The following RNF43 variants were observed in gnomAD, a reference collection of about 807,000 sequenced individuals.
RNF43 encodes E3 ubiquitin-protein ligase RNF43.
Under a neutral mutation model 78.4 loss-of-function variants are expected in RNF43, and 37 were observed. That is an observed-to-expected ratio of 0.47 (90% CI 0.36 to 0.62). The LOEUF (loss-of-function observed/expected upper bound fraction) is 0.62, where lower values mean the gene tolerates loss of function less well. Among genes scored for constraint, RNF43 ranks in the 20% least tolerant of loss-of-function variants. RNF43 has a pLI of 0.00. For missense variants in RNF43, 774 were observed against 1,007.9 expected, an observed-to-expected ratio of 0.77 and a Z score of 3.14; for synonymous variants, 347 against 395.0, an observed-to-expected ratio of 0.88 and a Z score of 1.44.
At chr17:58,353,523 T>TA (rs1368177791), downstream of RNF43, 2 of 202,112 alleles carry the variant, frequency 9.9e-6, no homozygotes, top group African/African-American at 2.3e-5. Flanking sequence ...AACCAGTTCT[T>TA]ATTGCCAAGC....
chr17:58,371,155 G>T, intron 2 of RNF43, 122 bp from the exon 3 acceptor site: 1 of 994,714 alleles, frequency 1.0e-6, no homozygotes, highest in Middle Eastern at 2.5e-4. Flanking sequence ...CTGTAAAAGA[G>T]TAGGCCTTAT....
intron 2 of RNF43, among the ~76,000 whole-genome samples, chr17:58,372,745 G>A (rs1015770793): frequency 1.3e-5 from 2 of 152,236 alleles, no homozygotes; most frequent in African/African-American, 4.8e-5. Context: ...GGGAAGCAGA[G>A]CAGTTTTCAC....
downstream of RNF43, chr17:58,353,240 G>C (rs1351602473): frequency 5.5e-5 from 12 of 218,494 alleles, no homozygotes; most frequent in Non-Finnish European, 9.2e-5. Context: ...TCTGTGACAG[G>C]TTTGGATGTT....
chr17:58,398,605 A>C (rs1429594787), intron 2 of RNF43, among the ~76,000 whole-genome samples: 1 of 152,260 alleles, frequency 6.6e-6, no homozygotes, highest in Non-Finnish European at 1.5e-5. Flanking sequence ...ATCTAAAGAC[A>C]AAACACATTT....
chr17:58,374,588 T>C (rs1263238012), intron 2 of RNF43, among the ~76,000 whole-genome samples: 2 of 152,206 alleles, frequency 1.3e-5, no homozygotes, highest in East Asian at 3.9e-4. Context: ...AGATGGGGTT[T>C]CACTATGTTG....
chr17:58,376,301 TGAG>T (rs977782649), intron 2 of RNF43, among the ~76,000 whole-genome samples: 6 of 152,146 alleles, frequency 3.9e-5, no homozygotes, highest in Admixed American at 6.5e-5. Flanking sequence ...TGCTACTCTA[TGAG>T]GAGAAGTGCC....
intron 3 of RNF43, 91 bp downstream of exon 3, chr17:58,370,820 A>C: frequency 7.3e-7 from 1 of 1,361,624 alleles, no homozygotes; most frequent in Non-Finnish European, 9.7e-7. Flanking sequence ...CATCACTCTT[A>C]GGAAACATGG....
rs1162714205 is a variant in RNF43, at chr17:58,358,051, G to C, written c.1725C>G (p.Val575=). 6.3e-7 allele frequency: 1 copy of C among 1,590,626 alleles called. No homozygotes were observed. Among genetic ancestry groups the C allele is most frequent in the African/African-American group, 1.3e-5 (1 of 74,302 alleles). ...GAGGAATAGGAGGCCTGGACTGGGG[G>C]ACTCCGGTTTCTGGGCCAGGCTTCC... ...HGRKPGPETG[V]PQSRPPIPRT... Residue 575 remains valine (V), a synonymous_variant, in exon 9 of 10, where the codon GTC becomes GTG. Coordinates refer to ENST00000407977, the MANE Select transcript of RNF43 (RefSeq NM_017763.6). This position sits in a 1 kb window ranked among gnomAD's most constrained non-coding sequence, Gnocchi z 6.2.
At chr17:58,372,527 GTCCATGCA>G (rs1973121515) in intron 2 of RNF43, among the ~76,000 whole-genome samples, 1 of 152,214 alleles carries the variant, frequency 6.6e-6, no homozygotes, top group South Asian at 2.1e-4. Context: ...CTCTCTATCT[GTCCATGCA>G]TCCATTCATT....
chr17:58,358,947 G>A lies in RNF43; in HGVS notation c.953-124C>T. On this transcript the variant is annotated intron_variant, in intron 8 of 9. Coordinates refer to ENST00000407977, the MANE Select transcript of RNF43 (RefSeq NM_017763.6). This position sits in a 1 kb window ranked among gnomAD's most constrained non-coding sequence, Gnocchi z 6.2. ...TAGCCTGTGAGCTCAGAGTTTGGGG[G>A]ATCAAGGACGTGCCTAAGCTGCCTG... 1.9e-6 allele frequency: 2 copies of A among 1,048,702 alleles called. No individual in the cohort carries two copies. The highest frequency in any genetic ancestry group is 3.7e-5 in the South Asian group (2 of 54,356). The allele number at this position is 1,048,702 out of a possible 1,614,324, so 65.0% of individuals were successfully genotyped here.
chr17:58,396,988 A>C (rs1973695104), intron 2 of RNF43, among the ~76,000 whole-genome samples: 1 of 151,902 alleles, frequency 6.6e-6, no homozygotes, highest in African/African-American at 2.4e-5. Context: ...TGATGGAAAG[A>C]TTCAGGGCTT....
Position 58,360,757 on chromosome 17 carries a change from GAGGTGAAC to G in RNF43, c.849+18_849+25del, listed in dbSNP as rs773907595. 6.3e-7 allele frequency: 1 copy of G among 1,597,660 alleles called. No individual in the cohort carries two copies. Among genetic ancestry groups the G allele is most frequent in the South Asian group, 1.1e-5 (1 of 88,108 alleles). On this transcript the variant is annotated intron_variant, in intron 7 of 9. Coordinates refer to ENST00000407977, the MANE Select transcript of RNF43 (RefSeq NM_017763.6). The surrounding 1 kb of genome is among the most constrained non-coding windows in gnomAD (Gnocchi z 4.3). ...CTTCAATCTCCCCAGTCTGGTCATG[GAGGTGAAC>G]CACAAGACCTGCCTTACCTGCCCCT...
At chr17:58,410,217 A>T (rs747811128) in intron 2 of RNF43, among the ~76,000 whole-genome samples, 2 of 152,234 alleles carry the variant, frequency 1.3e-5, no homozygotes, top group African/African-American at 4.8e-5. Context: ...TATAAAAGAG[A>T]TATCTTCTTA....
At chr17:58,402,079 T>C (rs1291238587) in intron 2 of RNF43, among the ~76,000 whole-genome samples, 1 of 152,222 alleles carries the variant, frequency 6.6e-6, no homozygotes, top group Admixed American at 6.5e-5. Context: ...TTGTTTCTAG[T>C]GGCAAAGATA....
chr17:58,369,038 G>A (rs1004853014), intron 3 of RNF43, among the ~76,000 whole-genome samples: 2 of 151,576 alleles, frequency 1.3e-5, no homozygotes, highest in African/African-American at 4.9e-5. Flanking sequence ...AAAGCTTCTC[G>A]GAATCCTTCT....
chr17:58,376,146 G>A (rs552059179), intron 2 of RNF43, among the ~76,000 whole-genome samples: 3 of 152,290 alleles, frequency 2.0e-5, no homozygotes, highest in African/African-American at 7.2e-5. Context: ...CCAGGAGGCT[G>A]GCCCCTGGGA....
At chr17:58,394,328 G>T (rs752804218) in intron 2 of RNF43, among the ~76,000 whole-genome samples, 1 of 152,096 alleles carries the variant, frequency 6.6e-6, no homozygotes, top group Admixed American at 6.5e-5. Flanking sequence ...GAATGTGGCC[G>T]CATGCTCTTA....
Position 58,357,360 on chromosome 17 carries a change from T to C in RNF43, c.2308+108A>G. ...AGTATTTTGGTTGTCATCTCTGCTG[T>C]ATCCTTCTCAGCTTCCATCAACCCT... is the stretch of plus-strand genomic sequence containing the variant. On this transcript the variant is annotated intron_variant, in intron 9 of 9. Coordinates refer to ENST00000407977, the MANE Select transcript of RNF43 (RefSeq NM_017763.6). The surrounding 1 kb of genome is among the most constrained non-coding windows in gnomAD (Gnocchi z 4.5). 7.1e-7 allele frequency: 1 copy of C among 1,406,768 alleles called. No homozygotes were observed. Among genetic ancestry groups the C allele is most frequent in the East Asian group, 2.3e-5 (1 of 43,718 alleles). The allele number at this position is 1,406,768 out of a possible 1,614,324, so 87.1% of individuals were successfully genotyped here.
chr17:58,358,308 C>T lies in RNF43; in HGVS notation c.1468G>A (p.Val490Ile), dbSNP rs758316406. The change falls in exon 9 of 10, where the codon GTC becomes ATC. Residue 490 changes from valine to isoleucine, a missense_variant. Physicochemically the swap from Val to Ile is conservative, Grantham distance 29. Transcript: ENST00000407977. The surrounding 1 kb of genome is among the most constrained non-coding windows in gnomAD (Gnocchi z 6.2). ...VNCTDISLQG[V>I]HGSSSTFCSS... ...CAGAAAGTAGAACTGCTGCCATGGA[C>T]CCCCTGTAGGCTGATGTCCGTGCAG... 16 of 1,614,146 alleles carry T rather than the reference C, an allele frequency of 9.9e-6. No individual in the cohort carries two copies. The highest frequency in any genetic ancestry group is 1.3e-5 in the Non-Finnish European group (15 of 1,180,018).
Sources: allele counts gnomAD v4.1 joint callset (sites outside exome capture counted in the v4.1 genomes callset), GRCh38; gene constraint gnomAD v4.1.1; non-coding constraint Gnocchi (gnomAD v3.1); transcripts MANE v1.5; gene names NCBI Gene and HGNC (gene_info 2026-07-23, HGNC 2026-07-21).